DST: variants seen among roughly 807,000 people sequenced by gnomAD.
The protein encoded by DST is dystonin, also known as bullous pemphigoid antigen.
Under a neutral mutation model 875.2 loss-of-function variants are expected in DST, and 253 were observed. The observed-to-expected ratio is 0.29, with a 90% CI of 0.26 to 0.32. The LOEUF (loss-of-function observed/expected upper bound fraction) is 0.32. Ranked by LOEUF, DST falls within the 10% of genes least tolerant of loss-of-function variation. The pLI, the probability that DST is intolerant of heterozygous loss-of-function variation, is 1.00. For synonymous variants in DST, 3,124 were observed against 3,197.1 expected, an observed-to-expected ratio of 0.98 and a Z score of 0.77; for missense variants, 8,287 against 9,111.6, an observed-to-expected ratio of 0.91 and a Z score of 3.68.
At position 56,609,210 on chromosome 6, in the gene DST, A is replaced by G. The variant is rs377718164; in HGVS notation, c.5418T>C (p.Gly1806=). The change falls in exon 40 of 104, where the codon GGT becomes GGC. Residue 1806 remains glycine, a synonymous_variant. Coordinates refer to ENST00000680361, the MANE Select transcript of DST (RefSeq NM_001374736.1). The part of the protein sequence containing the change: ...RLLETQLMIS[G]LISPELRKCF... ...ACTTTCTTAATTCTGGTGAAATTAG[A>G]CCAGAAATCATTAGCTGTGTCTCAA... is the stretch of plus-strand genomic sequence containing the variant. The G allele has an allele frequency of 1.2e-6, 2 of 1,613,742 alleles. No individual in the cohort carries two copies. The highest frequency in any genetic ancestry group is 1.7e-6 in the Non-Finnish European group (2 of 1,179,794).
chr6:56,864,906 C>T (rs1438189696), intron 3 of DST, among the ~76,000 whole-genome samples: 11 of 152,038 alleles, frequency 7.2e-5, no homozygotes, highest in African/African-American at 2.4e-5. Context: ...GTAACAGATA[C>T]ATTCTTTTGG....
At chr6:56,587,855 C>A (rs993361475) in intron 49 of DST, among the ~76,000 whole-genome samples, 47 of 151,916 alleles carry the variant, frequency 3.1e-4, no homozygotes, top group Admixed American at 3.3e-4. Context: ...ACAGACAAGC[C>A]AATGCTGAGA....
chr6:56,492,940 T>C lies in DST; in HGVS notation c.20544A>G (p.Glu6848=). 1.9e-6 allele frequency: 3 copies of C among 1,605,978 alleles called. No homozygotes were observed. The highest frequency in any genetic ancestry group is 1.1e-5 in the South Asian group (1 of 89,392). ...ILDTVLFQID[E]HKVFANEVNS... The stretch of plus-strand genomic sequence containing the variant: ...TATTTGACTCACTACATACCTTGTG[T>C]TCGTCAATTTGAAATAAGACTGTGT... The change falls in exon 84 of 104, where the codon GAA becomes GAG. Residue 6848 remains glutamate (E), a synonymous_variant. Coordinates refer to ENST00000680361, the MANE Select transcript of DST (RefSeq NM_001374736.1).
At chr6:56,843,723 G>C (rs1253072618) in intron 4 of DST, 3 of 416,858 alleles carry the variant, frequency 7.2e-6, no homozygotes. Flanking sequence ...GGAGGGTGGA[G>C]GGTGGAGAGT....
In DST at chr6:56,482,100, C is replaced by T. The variant is rs997401540; in HGVS notation, c.21481G>A (p.Val7161Ile). The T allele has an allele frequency of 1.9e-6, 3 of 1,613,634 alleles. No homozygotes were observed. Among genetic ancestry groups the T allele is most frequent in the Middle Eastern group, 1.6e-4 (1 of 6,062 alleles). Residue 7161 changes from valine to isoleucine, a missense_variant, in exon 90 of 104, where the codon GTC becomes ATC. Coordinates refer to ENST00000680361, the MANE Select transcript of DST (RefSeq NM_001374736.1). Reference protein sequence around the residue: ...EAEQTLRFHGVLPDDEDALRT... With the variant: ...EAEQTLRFHGILPDDEDALRT... ...AGAGCATCCTCATCATCTGGGAGGA[C>T]ACCATGGAAACGCAGGGTTTGCTCC...
At chr6:56,899,609 A>G (rs1473324535) in intron 3 of DST, among the ~76,000 whole-genome samples, 3 of 152,240 alleles carry the variant, frequency 2.0e-5, no homozygotes. Context: ...CAGCATAGAG[A>G]TGAGCCATAC....
chr6:56,617,959 G>A, intron 36 of DST: 2 of 1,584,770 alleles, frequency 1.3e-6, no homozygotes, highest in Non-Finnish European at 1.7e-6. Context: ...TTAGGTAGCT[G>A]ATAAGGTCTC....
intron 24 of DST, 28 bp from the exon 25 acceptor site, chr6:56,634,981 G>T: frequency 6.3e-7 from 1 of 1,581,858 alleles, no homozygotes. Context: ...TGAATTTTAA[G>T]AAGTAAAAGA....
rs1478923634 is a variant in DST at position 56,608,504 on chromosome 6, G to A, written c.6124C>T (p.Arg2042Cys). 7 of 1,613,576 alleles carry A rather than the reference G, an allele frequency of 4.3e-6. No individual in the cohort carries two copies. The highest frequency in any genetic ancestry group is 3.3e-5 in the South Asian group (3 of 91,064). Residue 2042 changes from arginine (R) to cysteine (C), a missense_variant, in exon 40 of 104, where the codon CGT becomes TGT. Arg to Cys is a radical substitution (Grantham distance 180, BLOSUM62 -3). Around this residue, in one of 10 missense-constraint regions of DST, gnomAD observed 3,138 missense variants for 3,116.6 expected, o/e 1.01. Transcript: ENST00000680361. Reference sequence around the variant, plus strand: ...TGTACTGCTTCGTCTACAGTTAAACGCTTGGCAGGGTTTGACTGGATGATT... The same window carrying A: ...TGTACTGCTTCGTCTACAGTTAAACACTTGGCAGGGTTTGACTGGATGATT... ...GGIIQSNPAK[R>C]LTVDEAVQCD...
At chr6:56,851,186 G>A (rs1448065574) in intron 4 of DST, 14 of 560,234 alleles carry the variant, frequency 2.5e-5, no homozygotes, top group Admixed American at 2.4e-4. Flanking sequence ...CAACCAGAAG[G>A]CAGGGCCAAA....
intron 4 of DST, among the ~76,000 whole-genome samples, chr6:56,784,567 C>T (rs1468157981): frequency 6.6e-6 from 1 of 152,234 alleles, no homozygotes; most frequent in Admixed American, 6.5e-5. Flanking sequence ...CCTTGGCTTT[C>T]AGCTCCATCA....
intron 2 of DST, among the ~76,000 whole-genome samples, chr6:56,909,680 A>T (rs1156907329): frequency 6.6e-6 from 1 of 152,126 alleles, no homozygotes; most frequent in East Asian, 1.9e-4. Flanking sequence ...TCTGGGCCAC[A>T]CCCTCGGAGT....
chr6:56,913,874 T>C (rs1799757592), intron 2 of DST, among the ~76,000 whole-genome samples: 1 of 152,218 alleles, frequency 6.6e-6, no homozygotes, highest in African/African-American at 2.4e-5. Context: ...TTGGATTATT[T>C]TCCTAATCTG....
chr6:56,615,020 TATATACA>T, intron 36 of DST: 1 of 1,004,050 alleles, frequency 1.0e-6, no homozygotes. Flanking sequence ...AGAAGGTCAC[TATATACA>T]GAAAAAGGCA....
intron 5 of DST, among the ~76,000 whole-genome samples, chr6:56,723,115 A>G (rs908252708): frequency 6.6e-6 from 1 of 152,266 alleles, no homozygotes; most frequent in African/African-American, 2.4e-5. Flanking sequence ...AAGAGCTGCC[A>G]TATACATTTT....
chr6:56,748,041 T>C (rs2099577583), intron 4 of DST, among the ~76,000 whole-genome samples: 1 of 152,206 alleles, frequency 6.6e-6, no homozygotes, highest in Non-Finnish European at 1.5e-5. Context: ...TGAAATTTTA[T>C]GACTTGTTGG....
At position 56,558,879 on chromosome 6, in the gene DST, T is replaced by A. The variant is rs148334765; in HGVS notation, c.14441-1361A>T. On this transcript the variant is annotated intron_variant, in intron 58 of 103. Transcript: ENST00000680361. The stretch of plus-strand genomic sequence containing the variant: ...ACCTCCTCTCTATATATCCCAACCC[T>A]ATCCTTCCTTTACATTCCATTGGAT... Among the ~76,000 whole-genome samples, 33 of 152,232 alleles carry A rather than the reference T, an allele frequency of 2.2e-4. No individual in the cohort carries two copies. In the East Asian group the frequency reaches 6.4e-3, roughly 29 times the overall value.
chr6:56,858,514 G>T (rs1463293136), intron 3 of DST, among the ~76,000 whole-genome samples: 1 of 152,186 alleles, frequency 6.6e-6, no homozygotes, highest in Admixed American at 6.5e-5. Flanking sequence ...AAGTATCAAA[G>T]ATTTGTTTCC....
At chr6:56,820,858 A>G (rs927727450) in intron 4 of DST, among the ~76,000 whole-genome samples, 1 of 152,104 alleles carries the variant, frequency 6.6e-6, no homozygotes, top group African/African-American at 2.4e-5. Context: ...TCTTCTCCCT[A>G]TACGTTGCTG....
Sources: allele counts gnomAD v4.1 joint callset (sites outside exome capture counted in the v4.1 genomes callset), GRCh38; gene constraint gnomAD v4.1.1; regional missense constraint gnomAD v4.1.1; transcripts MANE v1.5; gene names NCBI Gene and HGNC (gene_info 2026-07-23, HGNC 2026-07-21).